Variants in ITGA1 observed in about 807,000 individuals in gnomAD.
ITGA1 encodes the protein integrin subunit alpha 1.
ITGA1 carries 85 observed loss-of-function variants against 145.9 expected under a neutral mutation model. The ratio of observed to expected loss-of-function variants is 0.58; its 90% CI spans 0.49 to 0.70. ITGA1 has a LOEUF of 0.70. Ranked by LOEUF, ITGA1 falls within the 30% of genes least tolerant of loss-of-function variation. ITGA1 has a pLI of 0.00. For synonymous variants in ITGA1, 520 were observed against 495.3 expected, an observed-to-expected ratio of 1.05 and a Z score of -0.66; for missense variants, 1,351 against 1,418.7, an observed-to-expected ratio of 0.95 and a Z score of 0.77.
At chr5:52,802,029 A>G (rs1748499393) in intron 1 of ITGA1, 2 of 529,946 alleles carry the variant, frequency 3.8e-6, no homozygotes, top group South Asian at 5.3e-5. Context: ...CTAAAAGGAA[A>G]TAATCTCCAC....
intron 20 of ITGA1, among the ~76,000 whole-genome samples, chr5:52,929,091 C>G (rs1034518527): frequency 1.3e-5 from 2 of 152,176 alleles, no homozygotes; most frequent in African/African-American, 4.8e-5. Flanking sequence ...TAACTAAATA[C>G]TATAAACTGA....
chr5:52,947,275 C>G (rs373807378), intron 27 of ITGA1, 70 bp from the exon 28 acceptor site: 3 of 886,934 alleles, frequency 3.4e-6, no homozygotes, highest in East Asian at 4.9e-5. Flanking sequence ...TTGTAGCCTG[C>G]AAGAACTCAA....
intron 1 of ITGA1, among the ~76,000 whole-genome samples, chr5:52,827,462 A>G (rs900521722): frequency 2.6e-5 from 4 of 152,178 alleles, no homozygotes; most frequent in Non-Finnish European, 5.9e-5. Flanking sequence ...ACGATAAAGC[A>G]ATGTCAGGAT....
At chr5:52,818,002 C>G (rs114009936) in intron 1 of ITGA1, among the ~76,000 whole-genome samples, 1 of 152,068 alleles carries the variant, frequency 6.6e-6, no homozygotes, top group Admixed American at 6.6e-5. Context: ...GATATGATTG[C>G]GTTCCCATAA....
chr5:52,834,653 A>G (rs112939517), intron 1 of ITGA1, among the ~76,000 whole-genome samples: 9 of 151,258 alleles, frequency 6.0e-5, no homozygotes, highest in African/African-American at 1.9e-4. Flanking sequence ...AAGAAAGAAA[A>G]AGAAAGAGAA....
chr5:52,923,619 A>G (rs1317352166), intron 18 of ITGA1, among the ~76,000 whole-genome samples: 2 of 152,212 alleles, frequency 1.3e-5, no homozygotes, highest in Admixed American at 6.5e-5. Flanking sequence ...TCAATTTAAA[A>G]TGTTTTAAAA....
rs141080640 is a variant in ITGA1, at chr5:52,896,536, A to T, written c.1091-919A>T. 4.0e-3 allele frequency among the ~76,000 whole-genome samples: 614 copies of T among 152,326 alleles called. 7 individuals carry two copies. Among genetic ancestry groups the T allele is most frequent in the African/African-American group, 0.014 (579 of 41,582 alleles). On this transcript the variant is annotated intron_variant, in intron 9 of 28. Transcript: ENST00000282588. ...GTTCACAATTTTATCCATGTAAATA[A>T]CTAACAAATAGTTACATTCACAAAT... is the stretch of plus-strand genomic sequence containing the variant.
intron 1 of ITGA1, among the ~76,000 whole-genome samples, chr5:52,793,910 C>T (rs2111645698): frequency 6.6e-6 from 1 of 152,072 alleles, no homozygotes; most frequent in East Asian, 1.9e-4. Flanking sequence ...AAACTCTTAA[C>T]TTTTTGTCAT....
At chr5:52,805,284 A>G (rs1400587665) in intron 1 of ITGA1, among the ~76,000 whole-genome samples, 1 of 152,202 alleles carries the variant, frequency 6.6e-6, no homozygotes, top group East Asian at 1.9e-4. Context: ...CTGAAGCAGC[A>G]TGCTAAACTG....
chr5:52,801,587 C>T, intron 1 of ITGA1: 1 of 1,614,022 alleles, frequency 6.2e-7, no homozygotes, highest in Non-Finnish European at 8.5e-7. Context: ...GTGGAGAAGG[C>T]CAATGAAGCC....
At chr5:52,809,258 C>T (rs755973094) in intron 1 of ITGA1, among the ~76,000 whole-genome samples, 1 of 152,172 alleles carries the variant, frequency 6.6e-6, no homozygotes, top group Non-Finnish European at 1.5e-5. Flanking sequence ...AGATCACAGT[C>T]TCTTCCTTGC....
intron 6 of ITGA1, among the ~76,000 whole-genome samples, chr5:52,879,072 A>T (rs1749913694): frequency 6.6e-6 from 1 of 152,106 alleles, no homozygotes; most frequent in African/African-American, 2.4e-5. Flanking sequence ...GACATTTGAA[A>T]TTGGGATTGA....
intron 1 of ITGA1, among the ~76,000 whole-genome samples, chr5:52,795,201 T>C (rs916126493): frequency 6.6e-6 from 1 of 151,942 alleles, no homozygotes; most frequent in Non-Finnish European, 1.5e-5. Context: ...TATGCTGTGT[T>C]CCAGGAGAAC....
chr5:52,911,093 ATATATAGTGTATATATAG>A (rs1451699847), intron 14 of ITGA1, among the ~76,000 whole-genome samples: 2 of 135,474 alleles, frequency 1.5e-5, no homozygotes, highest in Non-Finnish European at 3.1e-5. Context: ...TATATAGTGT[ATATATAGTGTATATATAG>A]TATATAGTGT....
At chr5:52,943,953 G>T (rs1401429606) in intron 26 of ITGA1, among the ~76,000 whole-genome samples, 1 of 152,190 alleles carries the variant, frequency 6.6e-6, no homozygotes, top group Non-Finnish European at 1.5e-5. Context: ...CAGCACCCAG[G>T]CTGGGCGGCA....
intron 11 of ITGA1, chr5:52,901,938 T>C (rs1324625579): frequency 6.6e-6 from 1 of 152,228 alleles, no homozygotes; most frequent in Non-Finnish European, 1.5e-5. Context: ...GTCTAATACA[T>C]GTAAGATTTC....
At chr5:52,903,519 T>A (rs1750349467) in intron 11 of ITGA1, 2 of 152,224 alleles carry the variant, frequency 1.3e-5, no homozygotes, top group Admixed American at 1.3e-4. Flanking sequence ...AAGGATAATA[T>A]GCCTGAGGAA....
Sources: allele counts gnomAD v4.1 joint callset (sites outside exome capture counted in the v4.1 genomes callset), GRCh38; gene constraint gnomAD v4.1.1; transcripts MANE v1.5; gene names NCBI Gene and HGNC (gene_info 2026-07-23, HGNC 2026-07-21).